Variants in NLE1 observed in about 807,000 individuals in gnomAD.
NLE1 encodes notchless protein homolog 1.
NLE1 carries 37 observed loss-of-function variants against 62.8 expected under a neutral mutation model. That is an observed-to-expected ratio of 0.59 (90% confidence interval 0.45 to 0.78). The LOEUF is 0.78. Ranked by LOEUF, NLE1 falls within the 30% of genes least tolerant of loss-of-function variation. NLE1 has a pLI of 0.00. For synonymous variants in NLE1, 243 were observed against 253.0 expected, an observed-to-expected ratio of 0.96 and a Z score of 0.37; for missense variants, 555 against 637.9, an observed-to-expected ratio of 0.87 and a Z score of 1.40.
Position 35,129,228 on chromosome 17 carries a change from A to G in NLE1, c.*3209T>C. The G allele has an allele frequency of 1.4e-6, 1 of 691,980 alleles. No individual in the cohort carries two copies. Among genetic ancestry groups the G allele is most frequent in the Admixed American group, 2.4e-5 (1 of 40,820 alleles). 42.9% of individuals were successfully genotyped at this position (691,980 alleles called of 1,614,324 possible). ...TACCCTAAAGTGGGTGGGGCTGCCC[A>G]GGAGAGTAGTACATGCTTCGGGGCA... is the stretch of plus-strand genomic sequence containing the variant. On this transcript the variant is annotated 3_prime_UTR_variant, in exon 13 of 13. Transcript: ENST00000442241.
chr17:35,139,765 A>G (rs754501816), intron 3 of NLE1, 84 bp downstream of exon 3: 20 of 1,554,042 alleles, frequency 1.3e-5, no homozygotes, highest in African/African-American at 4.1e-5. Flanking sequence ...GGCCCCATCA[A>G]TTATAACTCT....
Position 35,140,043 on chromosome 17 carries a change from G to A in NLE1, c.186C>T (p.Phe62=), listed in dbSNP as rs767680051. Residue 62 remains phenylalanine, a synonymous_variant, in exon 3 of 13, where the codon TTC becomes TTT. Transcript: ENST00000442241. ...LAQEDPLPLA[F]FVHDAEIVSS... is the part of the protein sequence containing the mutation. ...AGACGATCTCAGCATCGTGGACAAA[G>A]AAAGCCAGTGGCAGGGGATCCTCCT... The A allele has an allele frequency of 6.2e-7, 1 of 1,613,512 alleles. No individual in the cohort carries two copies. The highest frequency in any genetic ancestry group is 8.5e-7 in the Non-Finnish European group (1 of 1,180,022).
In NLE1 at chr17:35,130,604, A is replaced by T; in HGVS notation, c.*1833T>A. 2 of 672,770 alleles carry T rather than the reference A, an allele frequency of 3.0e-6. No individual in the cohort carries two copies. The highest frequency in any genetic ancestry group is 4.9e-6 in the Non-Finnish European group (2 of 407,566). 41.7% of individuals were successfully genotyped at this position (672,770 alleles called of 1,614,324 possible). Reference sequence around the variant, plus strand: ...GGGGCCAAGGCTACATAGGGGCCCCATTCACCTGGAGGCATCTCAGGCCAG... The same window carrying T: ...GGGGCCAAGGCTACATAGGGGCCCCTTTCACCTGGAGGCATCTCAGGCCAG... On this transcript the variant is annotated 3_prime_UTR_variant, in exon 13 of 13. Coordinates refer to ENST00000442241, the MANE Select transcript of NLE1 (RefSeq NM_018096.5).
chr17:35,136,191 A>C lies in NLE1; in HGVS notation c.989T>G (p.Leu330Arg). ...CACCCGCACGAGGTTGTATCGGCTCAGAGCCCTCTCCTTCAACTCCTGCAC... is the reference window on the plus strand; with the variant it reads ...CACCCGCACGAGGTTGTATCGGCTCCGAGCCCTCTCCTTCAACTCCTGCAC... ...GSLQELKERALSRYNLVRGQG... is the reference protein window; with the variant it reads ...GSLQELKERARSRYNLVRGQG... The change falls in exon 9 of 13, where the codon CTG becomes CGG. Residue 330 changes from leucine to arginine, a missense_variant. Physicochemically the swap from Leu to Arg is moderately radical, Grantham distance 102 (BLOSUM62 -2). Transcript: ENST00000442241. 1 of 1,614,226 alleles carries C rather than the reference A, an allele frequency of 6.2e-7. No homozygotes were observed. The highest frequency in any genetic ancestry group is 1.3e-5 in the African/African-American group (1 of 75,064).
intron 4 of NLE1, 29 bp from the exon 5 acceptor site, chr17:35,137,919 G>T: frequency 6.4e-7 from 1 of 1,562,240 alleles, no homozygotes; most frequent in Non-Finnish European, 8.8e-7. Context: ...GAGAAATAAG[G>T]GACTACATCT....
chr17:35,138,398 T>C (rs1427939509), intron 4 of NLE1, among the ~76,000 whole-genome samples: 1 of 152,118 alleles, frequency 6.6e-6, no homozygotes, highest in Non-Finnish European at 1.5e-5. Flanking sequence ...GAACTAAACC[T>C]CTGGGGGTGG....
chr17:35,135,287 A>G lies in NLE1; in HGVS notation c.1176T>C (p.Phe392=). 6.2e-7 allele frequency: 1 copy of G among 1,614,176 alleles called. No homozygotes were observed. Among genetic ancestry groups the G allele is most frequent in the Non-Finnish European group, 8.5e-7 (1 of 1,180,030 alleles). The part of the protein sequence containing the change: ...PDSRIVASAS[F]DKSIKLWDGR... ...CATCCCACAGCTTGATGGACTTGTC[A>G]AAGGAGGCACTAGCCACGATGCGGG... Residue 392 remains phenylalanine (F), a synonymous_variant, in exon 10 of 13, where the codon TTT becomes TTC. Coordinates refer to ENST00000442241, the MANE Select transcript of NLE1 (RefSeq NM_018096.5).
rs1468067833 is a variant in NLE1, at chr17:35,137,201, G to A, written c.636-8C>T. ...TAGCGGCACTCAGGGTTCCTGGAGAGAAGGGAGATGTGACCTCATCTGTGA... is the reference window on the plus strand; with the variant it reads ...TAGCGGCACTCAGGGTTCCTGGAGAAAAGGGAGATGTGACCTCATCTGTGA... On this transcript the variant is annotated splice_polypyrimidine_tract_variant and splice_region_variant and intron_variant, in intron 6 of 12. Coordinates refer to ENST00000442241, the MANE Select transcript of NLE1 (RefSeq NM_018096.5). 3 of 1,598,740 alleles carry A rather than the reference G, an allele frequency of 1.9e-6. No homozygotes were observed. The highest frequency in any genetic ancestry group is 1.1e-5 in the South Asian group (1 of 90,284).
At position 35,130,042 on chromosome 17, in the gene NLE1, G is replaced by A; in HGVS notation, c.*2395C>T. The stretch of plus-strand genomic sequence containing the variant: ...AGGGAACAGCCTGGGTATGGGGTAG[G>A]GGTATGGGGGTATAGAGGCCTGAGT... On this transcript the variant is annotated 3_prime_UTR_variant, in exon 13 of 13. Coordinates refer to ENST00000442241, the MANE Select transcript of NLE1 (RefSeq NM_018096.5). The A allele has an allele frequency of 1.4e-6, 2 of 1,403,666 alleles. No homozygotes were observed. Among genetic ancestry groups the A allele is most frequent in the Non-Finnish European group, 1.8e-6 (2 of 1,082,280 alleles). 87.0% of individuals were successfully genotyped at this position (1,403,666 alleles called of 1,614,324 possible).
rs2091875998 is a variant in NLE1, at chr17:35,131,525, T to C, written c.*912A>G. 1 of 152,224 alleles carries C rather than the reference T, an allele frequency of 6.6e-6. No individual in the cohort carries two copies. Among genetic ancestry groups the C allele is most frequent in the Admixed American group, 6.5e-5 (1 of 15,288 alleles). 9.4% of individuals were successfully genotyped at this position (152,224 alleles called of 1,614,324 possible). On this transcript the variant is annotated 3_prime_UTR_variant, in exon 13 of 13. Coordinates refer to ENST00000442241, the MANE Select transcript of NLE1 (RefSeq NM_018096.5). ...TCCTTTCACTGCTTGAAAGTTCTCGTGGCAAAGAACTTCCTCTGTATCAAC... is the reference window on the plus strand; with the variant it reads ...TCCTTTCACTGCTTGAAAGTTCTCGCGGCAAAGAACTTCCTCTGTATCAAC...
chr17:35,132,667 A>G (rs1228434174), intron 12 of NLE1, among the ~76,000 whole-genome samples: 1 of 152,152 alleles, frequency 6.6e-6, no homozygotes, highest in Non-Finnish European at 1.5e-5. Context: ...CGGGATGCCC[A>G]CCAGCAAACA....
chr17:35,132,396 G>T lies in NLE1; in HGVS notation c.*41C>A. The T allele has an allele frequency of 6.9e-7, 1 of 1,441,554 alleles. No homozygotes were observed. The highest frequency in any genetic ancestry group is 2.8e-5 in the East Asian group (1 of 36,302). 89.3% of individuals were successfully genotyped at this position (1,441,554 alleles called of 1,614,324 possible). On this transcript the variant is annotated 3_prime_UTR_variant, in exon 13 of 13. Coordinates refer to ENST00000442241, the MANE Select transcript of NLE1 (RefSeq NM_018096.5). ...TCTGGCAGGGAAGGCAGCTGGCAGA[G>T]GCCGAGTCGAGGTGGGGGTCAGAGA...
intron 4 of NLE1, among the ~76,000 whole-genome samples, chr17:35,138,293 T>C (rs2091921817): frequency 6.6e-6 from 1 of 152,202 alleles, no homozygotes; most frequent in Non-Finnish European, 1.5e-5. Context: ...GGTATAGCAG[T>C]GGTTCTTCAA....
chr17:35,133,436 C>T lies in NLE1; in HGVS notation c.1277G>A (p.Ser426Asn), dbSNP rs2091889431. ...ACTGCTGCCGCTGACCAGGAGCCGA[C>T]TGTCAGCTGACCACGCAATCTGGTA... ...AVYQIAWSAD[S>N]RLLVSGSSDS... The change falls in exon 11 of 13, where the codon AGT becomes AAT. Residue 426 changes from serine (S) to asparagine (N), a missense_variant. Coordinates refer to ENST00000442241, the MANE Select transcript of NLE1 (RefSeq NM_018096.5). The T allele has an allele frequency of 6.2e-7, 1 of 1,614,110 alleles. No individual in the cohort carries two copies. The highest frequency in any genetic ancestry group is 8.5e-7 in the Non-Finnish European group (1 of 1,180,012).
At position 35,142,100 on chromosome 17, in the gene NLE1, A is replaced by C. The variant is rs1469462315; in HGVS notation, c.41T>G (p.Val14Gly). 6.2e-7 allele frequency: 1 copy of C among 1,612,146 alleles called. No individual in the cohort carries two copies. Among genetic ancestry groups the C allele is most frequent in the African/African-American group, 1.3e-5 (1 of 75,056 alleles). The change falls in exon 2 of 13, where the codon GTG becomes GGG. Residue 14 changes from valine to glycine, a missense_variant. Transcript: ENST00000442241. ...CTGGAACTGCACTAGCAACCGCTGC[A>C]CATCGCGCGCCACCGCCTCGTCCTG... ...AVPDEAVARDVQRLLVQFQDE... is the reference protein window; with the variant it reads ...AVPDEAVARDGQRLLVQFQDE...
At chr17:35,139,182 G>A (rs1425577479) in intron 4 of NLE1, 53 bp downstream of exon 4, 1 of 1,495,768 alleles carries the variant, frequency 6.7e-7, no homozygotes, top group South Asian at 1.1e-5. Context: ...AACAGAGCAA[G>A]ACCTTGTCTC....
At chr17:35,135,535 C>G in intron 9 of NLE1, 84 bp from the exon 10 acceptor site, 1 of 1,219,938 alleles carries the variant, frequency 8.2e-7, no homozygotes, top group Non-Finnish European at 1.2e-6. Context: ...AGCATACACC[C>G]TGATTACTCA....
In NLE1 at chr17:35,142,109, G is replaced by A. The variant is rs763885612; in HGVS notation, c.32C>T (p.Ala11Val). The change falls in exon 2 of 13, where the codon GCG (alanine) becomes GTG (valine). Residue 11 changes from alanine (A) to valine (V), a missense_variant. Transcript: ENST00000442241. ...CACTAGCAACCGCTGCACATCGCGC[G>A]CCACCGCCTCGTCCTGCGCGAGCAA... MAAAVPDEAVARDVQRLLVQF... is the reference protein window; with the variant it reads MAAAVPDEAVVRDVQRLLVQF... 8.7e-6 allele frequency: 14 copies of A among 1,611,544 alleles called. No homozygotes were observed. Among genetic ancestry groups the A allele is most frequent in the Non-Finnish European group, 1.2e-5 (14 of 1,179,510 alleles).
rs117054478 is a variant in NLE1, at chr17:35,130,914, C to G, written c.*1523G>C. ...GTAGGGGAACAGGGAGACTGGTGCTCTAAGACTAAAAGGCTCTTACACCAG... is the reference window on the plus strand; with the variant it reads ...GTAGGGGAACAGGGAGACTGGTGCTGTAAGACTAAAAGGCTCTTACACCAG... On this transcript the variant is annotated 3_prime_UTR_variant, in exon 13 of 13. Transcript: ENST00000442241. 1,186 of 159,968 alleles carry G rather than the reference C, an allele frequency of 7.4e-3. 39 individuals carry two copies. The East Asian group carries it at 0.11, about 14-fold the overall frequency. The allele number at this position is 159,968 out of a possible 1,614,324, so 9.9% of individuals were successfully genotyped here.
Sources: gnomAD v4.1 joint callset for allele counts (sites outside exome capture counted in the v4.1 genomes callset) on GRCh38, gnomAD v4.1.1 for gene constraint, MANE v1.5 for transcripts, NCBI Gene and HGNC (gene_info 2026-07-23, HGNC 2026-07-21) for gene names.